Variants in WNT3 observed in about 807,000 individuals in gnomAD.
WNT3 encodes Wnt family member 3, also known as proto-oncogene Wnt-3.
Under a neutral mutation model 34.2 loss-of-function variants are expected in WNT3, and 7 were observed. The ratio of observed to expected loss-of-function variants is 0.20; its 90% CI spans 0.12 to 0.38. The LOEUF (loss-of-function observed/expected upper bound fraction) is 0.38, where lower values mean the gene tolerates loss of function less well. WNT3 is among the 10% of genes least tolerant of loss of function. The probability of loss-of-function intolerance (pLI) is 1.00; values close to 1 mark genes in which losing one functional copy is unlikely to be tolerated. For synonymous variants in WNT3, 212 were observed against 211.5 expected, an observed-to-expected ratio of 1.00 and a Z score of -0.02; for missense variants, 267 against 499.8, an observed-to-expected ratio of 0.53 and a Z score of 4.44.
At chr17:46,772,446 C>G (rs1410614801) in intron 2 of WNT3, among the ~76,000 whole-genome samples, 2 of 152,212 alleles carry the variant, frequency 1.3e-5, no homozygotes, top group Non-Finnish European at 2.9e-5. Flanking sequence ...CGCGTCTAGA[C>G]GCAGGGTTGT....
intron 1 of WNT3, among the ~76,000 whole-genome samples, chr17:46,816,045 T>C (rs1423256482): frequency 6.6e-6 from 1 of 152,006 alleles, no homozygotes; most frequent in Non-Finnish European, 1.5e-5. Flanking sequence ...CCATGAGCAC[T>C]GATATTCATG....
At chr17:46,776,216 G>A (rs1291296208) in intron 1 of WNT3, among the ~76,000 whole-genome samples, 1 of 152,186 alleles carries the variant, frequency 6.6e-6, no homozygotes, top group Non-Finnish European at 1.5e-5. Flanking sequence ...TTCATGGGGT[G>A]AAGGTGGCTT....
At chr17:46,770,141 A>G (rs927135541) in intron 2 of WNT3, 93 bp from the exon 3 acceptor site, 2 of 1,438,572 alleles carry the variant, frequency 1.4e-6, no homozygotes, top group Admixed American at 5.1e-5. Context: ...GAGGGGAACG[A>G]GGCCAGGAAG....
chr17:46,772,451 G>A (rs545753661), intron 2 of WNT3, among the ~76,000 whole-genome samples: 3 of 152,344 alleles, frequency 2.0e-5, no homozygotes, highest in South Asian at 2.1e-4. Flanking sequence ...CTAGACGCAG[G>A]GTTGTTTGAT....
chr17:46,816,814 C>G lies in WNT3; in HGVS notation c.80+1704G>C, dbSNP rs569166169. ...TCCTTCCTACCCTCCCCCAACCCAC[C>G]AGAGTCTCTGCGAAAGCAAGGCGAA... On this transcript the variant is annotated intron_variant, in intron 1 of 4. Transcript: ENST00000225512. 2.6e-5 allele frequency among the ~76,000 whole-genome samples: 4 copies of G among 152,292 alleles called. No individual in the cohort carries two copies. In the East Asian group the frequency reaches 5.8e-4, roughly 22 times the overall value.
chr17:46,784,963 G>T (rs1042835917), intron 1 of WNT3, among the ~76,000 whole-genome samples: 1 of 152,108 alleles, frequency 6.6e-6, no homozygotes, highest in East Asian at 1.9e-4. Context: ...TTTTTTAGTA[G>T]AGACGGGGTT....
chr17:46,817,582 G>A (rs2084369216), intron 1 of WNT3, among the ~76,000 whole-genome samples: 1 of 152,076 alleles, frequency 6.6e-6, no homozygotes, highest in African/African-American at 2.4e-5. Context: ...CCTGGAGCTG[G>A]GGCTCCCAAA....
chr17:46,793,448 C>T (rs1178725419), intron 1 of WNT3, among the ~76,000 whole-genome samples: 6 of 152,066 alleles, frequency 3.9e-5, no homozygotes, highest in East Asian at 3.9e-4. Context: ...GCTGGGCTCC[C>T]GCCTATCAGT....
chr17:46,770,185 G>GAGGC (rs1681738331), intron 2 of WNT3, 137 bp from the exon 3 acceptor site: 4 of 1,229,836 alleles, frequency 3.3e-6, no homozygotes, highest in Non-Finnish European at 4.4e-6. Flanking sequence ...AGGCAAGAGG[G>GAGGC]AGGCAGCTTC....
chr17:46,791,378 TGTATTTTTA>T (rs1682830012), intron 1 of WNT3, among the ~76,000 whole-genome samples: 1 of 152,150 alleles, frequency 6.6e-6, no homozygotes, highest in Non-Finnish European at 1.5e-5. Context: ...TAAATTTTTT[TGTATTTTTA>T]GTAGAGACGG....
chr17:46,774,331 T>G (rs1447857382), intron 1 of WNT3, among the ~76,000 whole-genome samples: 1 of 152,220 alleles, frequency 6.6e-6, no homozygotes, highest in African/African-American at 2.4e-5. Context: ...ACATGGACAC[T>G]TCCAGTGACT....
chr17:46,789,908 A>G (rs1006368748), intron 1 of WNT3, among the ~76,000 whole-genome samples: 2 of 152,194 alleles, frequency 1.3e-5, no homozygotes, highest in African/African-American at 2.4e-5. Flanking sequence ...CTACCTTTCA[A>G]GGTGGGTATT....
At chr17:46,782,323 G>A (rs2059468266) in intron 1 of WNT3, among the ~76,000 whole-genome samples, 4 of 152,300 alleles carry the variant, frequency 2.6e-5, no homozygotes, top group Admixed American at 2.0e-4. Context: ...GAAGGAGTCA[G>A]AAATCACCTC....
chr17:46,768,085 G>A lies in WNT3; in HGVS notation c.*8+227C>T, dbSNP rs958797353. 1.3e-5 allele frequency among the ~76,000 whole-genome samples: 2 copies of A among 152,234 alleles called. No homozygotes were observed. Among genetic ancestry groups the A allele is most frequent in the African/African-American group, 4.8e-5 (2 of 41,464 alleles). ...TTACAGGCGTGAGCCACCGCACCCG[G>A]CCAACACTGGGTTTTTATCTGTGCT... On this transcript the variant is annotated intron_variant, in intron 4 of 4. Coordinates refer to ENST00000225512, the MANE Select transcript of WNT3 (RefSeq NM_030753.5). The surrounding 1 kb of genome is among the most constrained non-coding windows in gnomAD (Gnocchi z 5.0).
At chr17:46,818,292 C>T (rs1467330119) in intron 1 of WNT3, among the ~76,000 whole-genome samples, 1 of 151,508 alleles carries the variant, frequency 6.6e-6, no homozygotes, top group Non-Finnish European at 1.5e-5. Context: ...AGTCCTCCAG[C>T]CCCTGCAGCG....
intron 1 of WNT3, among the ~76,000 whole-genome samples, chr17:46,792,893 T>G (rs2084004682): frequency 6.6e-6 from 1 of 151,974 alleles, no homozygotes; most frequent in African/African-American, 2.4e-5. Flanking sequence ...ATTTAACGGA[T>G]GATGACATGG....
intron 1 of WNT3, among the ~76,000 whole-genome samples, chr17:46,789,615 G>A (rs2083954672): frequency 6.6e-6 from 1 of 152,232 alleles, no homozygotes; most frequent in African/African-American, 2.4e-5. Context: ...ACAAGGGACA[G>A]AGGAACAAAC....
At chr17:46,777,928 GTGGACC>G (rs2059425494) in intron 1 of WNT3, among the ~76,000 whole-genome samples, 1 of 152,184 alleles carries the variant, frequency 6.6e-6, no homozygotes, top group Non-Finnish European at 1.5e-5. Context: ...CCCACCAACT[GTGGACC>G]TGGGAGCCAT....
chr17:46,764,391 C>T lies in WNT3; in HGVS notation c.*239G>A, dbSNP rs995531246. 4.6e-5 allele frequency: 7 copies of T among 152,570 alleles called. No homozygotes were observed. Among genetic ancestry groups the T allele is most frequent in the Admixed American group, 4.6e-4 (7 of 15,266 alleles). The allele number at this position is 152,570 out of a possible 1,614,324, so 9.5% of individuals were successfully genotyped here. A position where few individuals can be genotyped will look rare whatever the true frequency, so the allele number is the denominator to read the frequency against. On this transcript the variant is annotated 3_prime_UTR_variant, in exon 5 of 5. Transcript: ENST00000225512. ...GACCCTAGAGAACTAAAAAGAAAGCCCCCTTCTTTAAAAACCACACACCAT... is the reference window on the plus strand; with the variant it reads ...GACCCTAGAGAACTAAAAAGAAAGCTCCCTTCTTTAAAAACCACACACCAT...
Sources: allele counts gnomAD v4.1 joint callset (sites outside exome capture counted in the v4.1 genomes callset), GRCh38; gene constraint gnomAD v4.1.1; non-coding constraint Gnocchi (gnomAD v3.1); transcripts MANE v1.5; gene names NCBI Gene and HGNC (gene_info 2026-07-23, HGNC 2026-07-21).